Variants in SLC4A8 observed in about 807,000 individuals in gnomAD.
The protein encoded by SLC4A8 is electroneutral sodium bicarbonate exchanger 1.
In SLC4A8, 40 loss-of-function variants were observed where a neutral mutation model predicts 125.0. That is an observed-to-expected ratio of 0.32 (90% CI 0.25 to 0.42). The LOEUF is 0.42. Among genes scored for constraint, SLC4A8 ranks in the 10% least tolerant of loss-of-function variants. The pLI is 1.00. For missense variants in SLC4A8, 863 were observed against 1,355.1 expected (o/e 0.64, Z 5.70); for synonymous variants, 456 against 476.0 (o/e 0.96, Z 0.55).
intron 1 of SLC4A8, among the ~76,000 whole-genome samples, chr12:51,400,727 T>C (rs1346785331): frequency 3.8e-3 from 1 of 264 alleles, no homozygotes; most frequent in Non-Finnish European, 7.4e-3. Context: ...TGAACTCCTT[T>C]ATATATATAT....
At chr12:51,404,234 G>A (rs1345634136) in intron 1 of SLC4A8, among the ~76,000 whole-genome samples, 2 of 152,208 alleles carry the variant, frequency 1.3e-5, no homozygotes, top group Non-Finnish European at 2.9e-5. Context: ...GTCTGTGGAA[G>A]TTGACTCCTG....
At chr12:51,399,202 T>A (rs1454999428) in intron 1 of SLC4A8, among the ~76,000 whole-genome samples, 1 of 152,226 alleles carries the variant, frequency 6.6e-6, no homozygotes, top group African/African-American at 2.4e-5. Context: ...CCTCTTAATA[T>A]CCTAAAATGT....
chr12:51,457,836 C>T (rs147040970), intron 6 of SLC4A8, among the ~76,000 whole-genome samples: 75 of 152,060 alleles, frequency 4.9e-4, no homozygotes, highest in Admixed American at 1.4e-3. Flanking sequence ...ATTTGAGACC[C>T]GAGAAGGTAA....
rs139204551 is a variant in SLC4A8 at position 51,497,061 on chromosome 12, T to C, written c.3018T>C (p.Asp1006=). 2.5e-6 allele frequency: 4 copies of C among 1,613,916 alleles called. No homozygotes were observed. In the African/African-American group the frequency reaches 5.3e-5, roughly 22 times the overall value. ...FSKRELSWLD[D]LMPESKKKKL... ...AGCGAGAGCTGAGCTGGCTAGATGA[T>C]CTCATGCCTGAAAGCAAAAAGAAGA... The change falls in exon 22 of 25, where the codon GAT becomes GAC. Residue 1006 remains aspartate (D), a synonymous_variant. Coordinates refer to ENST00000453097, the MANE Select transcript of SLC4A8 (RefSeq NM_001039960.3).
chr12:51,485,754 C>A, intron 16 of SLC4A8, 33 bp from the exon 17 acceptor site: 1 of 1,262,490 alleles, frequency 7.9e-7, no homozygotes, highest in Non-Finnish European at 1.2e-6. Context: ...ATTTAACCTG[C>A]CAAAACATGT....
intron 3 of SLC4A8, 65 bp downstream of exon 3, chr12:51,451,087 T>C: frequency 7.7e-7 from 1 of 1,292,676 alleles, no homozygotes; most frequent in Non-Finnish European, 1.0e-6. Flanking sequence ...TGAGGGGACA[T>C]GTGACTGACA....
intron 1 of SLC4A8, among the ~76,000 whole-genome samples, chr12:51,408,871 GC>G (rs1224368440): frequency 6.6e-6 from 1 of 152,112 alleles, no homozygotes; most frequent in Non-Finnish European, 1.5e-5. Flanking sequence ...CAGAGAAGGA[GC>G]GGGGAATGCA....
rs148463595 is a variant in SLC4A8, at chr12:51,452,659, G to C, written c.413+400G>C. Among the ~76,000 whole-genome samples, 493 of 152,292 alleles carry C rather than the reference G, an allele frequency of 3.2e-3. 7 individuals carry two copies. The highest frequency in any genetic ancestry group is 0.026 in the Admixed American group (394 of 15,300). ...ACTTCTTCTGCAGGTGAACCACAGG[G>C]TTCAAATTCACCAGCAGTCACAGAG... On this transcript the variant is annotated intron_variant, in intron 4 of 24. Transcript: ENST00000453097.
At chr12:51,497,886 G>GA (rs59786364) in intron 22 of SLC4A8, 54,693 of 140,250 alleles carry the variant, frequency 0.39, 11,011 homozygotes, top group East Asian at 0.46. Flanking sequence ...GAAAAGAAAA[G>GA]AAAAAAAATC....
intron 4 of SLC4A8, among the ~76,000 whole-genome samples, chr12:51,452,497 A>AG (rs1025497393): frequency 9.2e-5 from 14 of 152,258 alleles, no homozygotes; most frequent in African/African-American, 2.9e-4. Flanking sequence ...TGGGATATTC[A>AG]GGGGGGCCCC....
chr12:51,407,402 T>C (rs1394591314), intron 1 of SLC4A8, among the ~76,000 whole-genome samples: 1 of 151,948 alleles, frequency 6.6e-6, no homozygotes, highest in East Asian at 1.9e-4. Context: ...ACTACAGGCA[T>C]GCATCACCAT....
chr12:51,484,043 T>C (rs894999770), intron 16 of SLC4A8, among the ~76,000 whole-genome samples: 1 of 152,154 alleles, frequency 6.6e-6, no homozygotes, highest in African/African-American at 2.4e-5. Flanking sequence ...CCAGCTTCAT[T>C]CATGTCCCTA....
In SLC4A8 at chr12:51,497,347, A is replaced by G. The variant is rs1441801432; in HGVS notation, c.3081+223A>G. ...CCACTTATTTTTTCCTTTGTTTACA[A>G]TCTACTCACCAGGCTCATACCTACA... On this transcript the variant is annotated intron_variant, in intron 22 of 24. Coordinates refer to ENST00000453097, the MANE Select transcript of SLC4A8 (RefSeq NM_001039960.3). 2.6e-5 allele frequency: 13 copies of G among 503,018 alleles called. No individual in the cohort carries two copies. In the East Asian group the frequency reaches 3.6e-4, roughly 14 times the overall value. 31.2% of individuals were successfully genotyped at this position (503,018 alleles called of 1,614,324 possible). A position where few individuals can be genotyped will look rare whatever the true frequency, so the allele number is the denominator to read the frequency against.
At chr12:51,507,278 G>C in intron 24 of SLC4A8, 148 bp from the exon 25 acceptor site, 1 of 495,412 alleles carries the variant, frequency 2.0e-6, no homozygotes, top group East Asian at 3.2e-5. Context: ...TAACGCACAT[G>C]GTTATTTTTA....
chr12:51,490,351 C>T (rs974822856), intron 19 of SLC4A8, among the ~76,000 whole-genome samples: 6 of 151,632 alleles, frequency 4.0e-5, no homozygotes, highest in Admixed American at 6.6e-5. Flanking sequence ...GTTCGGAGAT[C>T]GAGACCATCC....
intron 1 of SLC4A8, among the ~76,000 whole-genome samples, chr12:51,415,032 T>C (rs1156235446): frequency 3.3e-5 from 5 of 152,256 alleles, no homozygotes; most frequent in Admixed American, 1.3e-4. Context: ...CAGTATCTTC[T>C]TGATGTGCTG....
chr12:51,465,504 A>G (rs554003998), intron 11 of SLC4A8, among the ~76,000 whole-genome samples: 1 of 152,294 alleles, frequency 6.6e-6, no homozygotes, highest in Non-Finnish European at 1.5e-5. Flanking sequence ...AGAAAATCCC[A>G]TATTGCCAGG....
chr12:51,482,280 T>C (rs912532240), intron 16 of SLC4A8, among the ~76,000 whole-genome samples: 3 of 152,134 alleles, frequency 2.0e-5, no homozygotes, highest in Admixed American at 1.3e-4. Flanking sequence ...TTTAGATATA[T>C]CGATTAAATA....
chr12:51,485,359 G>A (rs926793844), intron 16 of SLC4A8, among the ~76,000 whole-genome samples: 2 of 152,120 alleles, frequency 1.3e-5, no homozygotes, highest in African/African-American at 2.4e-5. Context: ...GATCAGACTC[G>A]GGATATGTTC....
Sources: allele counts gnomAD v4.1 joint callset (sites outside exome capture counted in the v4.1 genomes callset), GRCh38; gene constraint gnomAD v4.1.1; transcripts MANE v1.5; gene names NCBI Gene and HGNC (gene_info 2026-07-23, HGNC 2026-07-21).